Variants in SLC2A14 observed in about 807,000 individuals in gnomAD.
SLC2A14 encodes the protein solute carrier family 2, facilitated glucose transporter member 14.
A neutral mutation model predicts 43.0 loss-of-function variants in SLC2A14; 13 were observed. The ratio of observed to expected loss-of-function variants is 0.30; its 90% CI spans 0.20 to 0.48. SLC2A14 has a LOEUF of 0.48. Ranked by LOEUF, SLC2A14 falls within the 20% of genes least tolerant of loss-of-function variation. SLC2A14 has a pLI of 0.99. For synonymous variants in SLC2A14, 190 were observed against 233.8 expected, an observed-to-expected ratio of 0.81 and a Z score of 1.71; for missense variants, 428 against 620.4, an observed-to-expected ratio of 0.69 and a Z score of 3.29.
At chr12:7,868,285 T>C (rs766792242) in intron 2 of SLC2A14, among the ~76,000 whole-genome samples, 1 of 152,312 alleles carries the variant, frequency 6.6e-6, no homozygotes, top group South Asian at 2.1e-4. Flanking sequence ...TTAAGGTATA[T>C]ACATTTTGTT....
chr12:7,825,401 T>C (rs1325057310), intron 7 of SLC2A14, among the ~76,000 whole-genome samples: 2 of 145,220 alleles, frequency 1.4e-5, no homozygotes, highest in Non-Finnish European at 3.0e-5. Flanking sequence ...TAGAGGTTGC[T>C]ATGAGCTGAT....
intron 2 of SLC2A14, among the ~76,000 whole-genome samples, chr12:7,865,316 T>C (rs938658672): frequency 1.3e-5 from 2 of 152,064 alleles, no homozygotes; most frequent in African/African-American, 4.8e-5. Flanking sequence ...GGTGGGCGGA[T>C]CACGAGGTCA....
intron 1 of SLC2A14, among the ~76,000 whole-genome samples, chr12:7,890,188 T>C (rs1945751209): frequency 6.6e-6 from 1 of 152,066 alleles, no homozygotes; most frequent in Non-Finnish European, 1.5e-5. Context: ...CTATTGAAGA[T>C]GGAGTCGTTC....
intron 2 of SLC2A14, among the ~76,000 whole-genome samples, chr12:7,845,817 C>T (rs968012226): frequency 1.4e-5 from 2 of 146,648 alleles, no homozygotes; most frequent in African/African-American, 2.5e-5. Flanking sequence ...CAAGGCCAGG[C>T]GTGGTGGCTC....
chr12:7,830,216 G>A (rs1449436520), intron 4 of SLC2A14, among the ~76,000 whole-genome samples: 2 of 150,094 alleles, frequency 1.3e-5, no homozygotes, highest in Admixed American at 6.7e-5. Flanking sequence ...GCAGTGGCGC[G>A]ATCTCCGCTC....
chr12:7,886,263 A>G (rs1945687871), intron 1 of SLC2A14, among the ~76,000 whole-genome samples: 1 of 148,522 alleles, frequency 6.7e-6, no homozygotes, highest in Admixed American at 7.0e-5. Context: ...CTGGGCTCAA[A>G]GGATCCTCCC....
At chr12:7,840,518 T>C (rs1202864456) in intron 2 of SLC2A14, among the ~76,000 whole-genome samples, 2 of 151,834 alleles carry the variant, frequency 1.3e-5, no homozygotes, top group Admixed American at 6.6e-5. Context: ...TAGCTGGGAC[T>C]ACAGGCACCC....
chr12:7,871,108 A>T, intron 1 of SLC2A14: 1 of 1,346,362 alleles, frequency 7.4e-7, no homozygotes, highest in Non-Finnish European at 9.8e-7. Context: ...CAACTTCACC[A>T]CTTCCCTCAC....
At chr12:7,882,487 T>G (rs1264384848) in intron 1 of SLC2A14, among the ~76,000 whole-genome samples, 1 of 151,958 alleles carries the variant, frequency 6.6e-6, no homozygotes, top group Non-Finnish European at 1.5e-5. Context: ...GCCCCTCCAC[T>G]CCAGCCTGGG....
chr12:7,873,997 T>C (rs7313244), upstream of SLC2A14, among the ~76,000 whole-genome samples: 129,682 of 152,106 alleles, frequency 0.85, 55,594 homozygotes, highest in South Asian at 0.96. Flanking sequence ...CTGCACTTCT[T>C]AAATGAGGAT....
At chr12:7,822,699 T>A (rs750072813) in intron 7 of SLC2A14, among the ~76,000 whole-genome samples, 1 of 151,158 alleles carries the variant, frequency 6.6e-6, no homozygotes, top group Non-Finnish European at 1.5e-5. Flanking sequence ...GTGTAATTCC[T>A]ACTAACTGGT....
Position 7,884,026 on chromosome 12 carries a change from C to T in SLC2A14, c.132+6970G>A, listed in dbSNP as rs531251885. 9.9e-5 allele frequency among the ~76,000 whole-genome samples: 15 copies of T among 152,106 alleles called. No individual in the cohort carries two copies. The South Asian group carries it at 2.7e-3, about 27-fold the overall frequency. On this transcript the variant is annotated intron_variant, in intron 1 of 9. Coordinates refer to the SLC2A14 transcript ENST00000539924. ...GCAAGCTCTGCTTCCCGGGTTCACG[C>T]CATTCTCCTGCCTCAGCCTCCCAAG...
chr12:7,884,450 G>GGATCAAACTCC (rs1945654542), intron 1 of SLC2A14, among the ~76,000 whole-genome samples: 1 of 152,108 alleles, frequency 6.6e-6, no homozygotes, highest in African/African-American at 2.4e-5. Flanking sequence ...ATGGGGAAGA[G>GGATCAAACTCC]TGGAACAAGG....
At chr12:7,838,106 G>A (rs1361826172) in intron 2 of SLC2A14, among the ~76,000 whole-genome samples, 1 of 141,894 alleles carries the variant, frequency 7.0e-6, no homozygotes, top group Non-Finnish European at 1.5e-5. Context: ...TTTTTTTTTC[G>A]AGACAGAATC....
chr12:7,869,728 C>T, intron 2 of SLC2A14, 135 bp downstream of exon 2: 3 of 549,228 alleles, frequency 5.5e-6, no homozygotes, highest in Admixed American at 3.4e-5. Flanking sequence ...TTGGCTGTAA[C>T]AGTCTCTCCC....
intron 7 of SLC2A14, among the ~76,000 whole-genome samples, chr12:7,825,318 T>C (rs4012951): frequency 0.63 from 94,389 of 149,066 alleles, 31,082 homozygotes; most frequent in African/African-American, 0.7. Context: ...AAATTAGCTG[T>C]GTGTGGTGTC....
At chr12:7,865,266 G>A (rs1197851146) in intron 2 of SLC2A14, among the ~76,000 whole-genome samples, 7 of 152,148 alleles carry the variant, frequency 4.6e-5, no homozygotes, top group Non-Finnish European at 7.4e-5. Context: ...GGCTGGGCAC[G>A]GTGGCTCCCA....
intron 2 of SLC2A14, among the ~76,000 whole-genome samples, chr12:7,861,681 G>A (rs780030986): frequency 2.0e-5 from 3 of 152,018 alleles, no homozygotes; most frequent in African/African-American, 7.2e-5. Context: ...AAAAAAAACA[G>A]GCCATGCGCG....
chr12:7,843,968 CTT>C (rs1247438102), intron 2 of SLC2A14, among the ~76,000 whole-genome samples: 1 of 149,492 alleles, frequency 6.7e-6, no homozygotes, highest in Non-Finnish European at 1.5e-5. Context: ...GTTGTCTTTT[CTT>C]TTATTTTTTT....
Sources: gnomAD v4.1 joint callset for allele counts (sites outside exome capture counted in the v4.1 genomes callset) on GRCh38, gnomAD v4.1.1 for gene constraint, MANE v1.5 for transcripts, NCBI Gene and HGNC (gene_info 2026-07-23, HGNC 2026-07-21) for gene names.